The following EGFL7 variants were observed in gnomAD, a reference collection of about 807,000 sequenced individuals.
EGFL7 encodes the protein EGF like domain multiple 7, also known as epidermal growth factor-like protein 7.
In EGFL7, 48 loss-of-function variants were observed where a neutral mutation model predicts 37.1. That is an observed-to-expected ratio of 1.29 (90% CI 1.03 to 1.65). The LOEUF is 1.65. Ranked by LOEUF, EGFL7 falls within the 40% of genes most tolerant of loss-of-function variation. EGFL7 has a pLI of 0.00. For missense variants in EGFL7, 384 were observed against 378.9 expected (o/e 1.01, Z -0.11); for synonymous variants, 180 against 156.8 (o/e 1.15, Z -1.10).
At position 136,669,625 on chromosome 9, in the gene EGFL7, T is replaced by G. The variant is rs1446668326; in HGVS notation, c.217T>G (p.Tyr73Asp). The change falls in exon 6 of 11, where the codon TAC becomes GAC. Residue 73 changes from tyrosine to aspartate, a missense_variant. Coordinates refer to ENST00000308874, the MANE Select transcript of EGFL7 (RefSeq NM_016215.5). ...CCACAGAACCATCTATAGGACCGCCTACCGCCGCAGCCCTGGGCTGGCCCC... is the reference window on the plus strand; with the variant it reads ...CCACAGAACCATCTATAGGACCGCCGACCGCCGCAGCCCTGGGCTGGCCCC... ...STYRTIYRTA[Y>D]RRSPGLAPAR... 1 of 1,610,830 alleles carries G rather than the reference T, an allele frequency of 6.2e-7. No homozygotes were observed. Among genetic ancestry groups the G allele is most frequent in the South Asian group, 1.1e-5 (1 of 90,770 alleles).
At position 136,669,961 on chromosome 9, in the gene EGFL7, GGCCGCT is replaced by G. The variant is rs771494756; in HGVS notation, c.371_376del (p.Arg124_Cys125del). 48 of 1,605,120 alleles carry G rather than the reference GGCCGCT, an allele frequency of 3.0e-5. No homozygotes were observed. The highest frequency in any genetic ancestry group is 3.5e-5 in the Non-Finnish European group (41 of 1,175,780). On this transcript the variant is annotated inframe_deletion, in exon 7 of 11. Transcript: ENST00000308874. ...GAACGGAGGGAGCTGTGTCCAGCCT[GGCCGCT>G]GCCGCTGCCCTGCAGGATGGCGGGG...
Position 136,670,257 on chromosome 9 carries a change from G to A in EGFL7, c.498G>A (p.Gly166=). 1 of 1,612,376 alleles carries A rather than the reference G, an allele frequency of 6.2e-7. No homozygotes were observed. Among genetic ancestry groups the A allele is most frequent in the Non-Finnish European group, 8.5e-7 (1 of 1,179,708 alleles). Residue 166 remains glycine (G), a synonymous_variant, in exon 8 of 11, where the codon GGG becomes GGA. Transcript: ENST00000308874. The part of the protein sequence containing the change: ...AGSYWCQCWE[G]HSLSADGTLC... Reference sequence around the variant, plus strand: ...GTTACTGGTGCCAGTGTTGGGAGGGGCACAGCCTGTCTGCAGACGGTACAC... The same window carrying A: ...GTTACTGGTGCCAGTGTTGGGAGGGACACAGCCTGTCTGCAGACGGTACAC...
intron 5 of EGFL7, 138 bp from the exon 6 acceptor site, chr9:136,669,468 C>T (rs990553036): frequency 7.8e-6 from 5 of 643,414 alleles, no homozygotes; most frequent in African/African-American, 1.8e-5. Context: ...AGTGACCCCT[C>T]AGTGCCATCC....
At position 136,668,106 on chromosome 9, in the gene EGFL7, G is replaced by A. The variant is rs148341502; in HGVS notation, c.-42-135G>A. On this transcript the variant is annotated intron_variant, in intron 3 of 10. Coordinates refer to ENST00000308874, the MANE Select transcript of EGFL7 (RefSeq NM_016215.5). ...GGGGCCAGCGGAGGAGAGAGTGGGC[G>A]CCACCGTGGGGCTGTCCCACCGGTG... 4.7e-3 allele frequency: 2,746 copies of A among 578,138 alleles called. 56 individuals are homozygous for A. The highest frequency in any genetic ancestry group is 0.043 in the African/African-American group (2,267 of 52,232). 35.8% of individuals were successfully genotyped at this position (578,138 alleles called of 1,614,324 possible).
At position 136,669,722 on chromosome 9, in the gene EGFL7, G is replaced by A. The variant is rs767145762; in HGVS notation, c.313+1G>A. The A allele has an allele frequency of 2.5e-6, 4 of 1,586,566 alleles. No homozygotes were observed. Among genetic ancestry groups the A allele is most frequent in the African/African-American group, 2.7e-5 (2 of 74,504 alleles). Reference sequence around the variant, plus strand: ...GGGCTTCCTGGGGCCTGTGGAGCAGGTGAGGGCTATGTCCCTCGGCGCCCG... The same window carrying A: ...GGGCTTCCTGGGGCCTGTGGAGCAGATGAGGGCTATGTCCCTCGGCGCCCG... On this transcript the variant is annotated splice_donor_variant, in intron 6 of 10. Coordinates refer to ENST00000308874, the MANE Select transcript of EGFL7 (RefSeq NM_016215.5). LOFTEE classifies it high-confidence loss of function.
chr9:136,666,942 C>T lies in EGFL7; in HGVS notation c.-42-1299C>T, dbSNP rs1472342109. 6.6e-6 allele frequency among the ~76,000 whole-genome samples: 1 copy of T among 152,144 alleles called. No homozygotes were observed. The highest frequency in any genetic ancestry group is 1.5e-5 in the Non-Finnish European group (1 of 68,010). ...CTGCCCCCAAGCTAAGTCCCCACCC[C>T]TCAGCTGCCCAGGGCAGCCTCTGCC... On this transcript the variant is annotated intron_variant, in intron 3 of 10. Transcript: ENST00000308874. This position sits in a 1 kb window ranked among gnomAD's most constrained non-coding sequence, Gnocchi z 6.8.
chr9:136,664,484 C>G (rs1274271106), intron 2 of EGFL7, among the ~76,000 whole-genome samples: 1 of 151,684 alleles, frequency 6.6e-6, no homozygotes, highest in African/African-American at 2.4e-5. Context: ...CCCCATTTTA[C>G]TGAGGCCAGG....
Position 136,669,734 on chromosome 9 carries a change from T to A in EGFL7, c.313+13T>A. On this transcript the variant is annotated intron_variant, in intron 6 of 10. Transcript: ENST00000308874. ...GCCTGTGGAGCAGGTGAGGGCTATG[T>A]CCCTCGGCGCCCGGTGTTAGGAGGG... The A allele has an allele frequency of 6.4e-7, 1 of 1,560,648 alleles. No homozygotes were observed. Among genetic ancestry groups the A allele is most frequent in the Non-Finnish European group, 8.7e-7 (1 of 1,149,108 alleles).
At chr9:136,671,774 C>A in intron 9 of EGFL7, 152 bp from the exon 10 acceptor site, 1 of 1,082,064 alleles carries the variant, frequency 9.2e-7, no homozygotes, top group Non-Finnish European at 1.3e-6. Context: ...AGCTTTTCTG[C>A]CACGGCAGCC....
In EGFL7 at chr9:136,666,928, C is replaced by G. The variant is rs1399869564; in HGVS notation, c.-42-1313C>G. ...CTGTGATGCCCCCCCTGCCCCCAAG[C>G]TAAGTCCCCACCCCTCAGCTGCCCA... is the stretch of plus-strand genomic sequence containing the variant. On this transcript the variant is annotated intron_variant, in intron 3 of 10. Transcript: ENST00000308874. This position sits in a 1 kb window ranked among gnomAD's most constrained non-coding sequence, Gnocchi z 6.8. 1.3e-5 allele frequency among the ~76,000 whole-genome samples: 2 copies of G among 152,034 alleles called. No homozygotes were observed. The highest frequency in any genetic ancestry group is 3.9e-4 in the East Asian group (2 of 5,152).
intron 3 of EGFL7, among the ~76,000 whole-genome samples, chr9:136,665,604 G>A (rs991365527): frequency 6.6e-6 from 1 of 152,006 alleles, no homozygotes; most frequent in South Asian, 2.1e-4. Context: ...GCTCAGAGGC[G>A]CGTTTGCGTC....
Position 136,672,373 on chromosome 9 carries a change from C to G in EGFL7, c.*87C>G. ...CCCAACATGCTGGGGGTCCAGAAAC[C>G]ACCTCGGGGTGACTGAGCGGAAGGC... On this transcript the variant is annotated 3_prime_UTR_variant, in exon 11 of 11. Transcript: ENST00000308874. 6.5e-7 allele frequency: 1 copy of G among 1,549,482 alleles called. No individual in the cohort carries two copies.
chr9:136,664,905 C>T (rs972108828), intron 3 of EGFL7, 120 bp downstream of exon 3: 2 of 152,316 alleles, frequency 1.3e-5, no homozygotes, highest in African/African-American at 4.8e-5. Context: ...TGGGCTGGCC[C>T]GAGCCCCACG....
chr9:136,665,287 T>C (rs1845387737), intron 3 of EGFL7, among the ~76,000 whole-genome samples: 1 of 152,184 alleles, frequency 6.6e-6, no homozygotes, highest in African/African-American at 2.4e-5. Flanking sequence ...TCTCTGGGCC[T>C]GCGGTGGGGA....
Position 136,670,152 on chromosome 9 carries a change from C to T in EGFL7, c.410-17C>T, listed in dbSNP as rs1845751891. The T allele has an allele frequency of 1.9e-6, 3 of 1,612,642 alleles. No individual in the cohort carries two copies. Among genetic ancestry groups the T allele is most frequent in the Non-Finnish European group, 8.5e-7 (1 of 1,179,894 alleles). ...CCCTCCCGCAGGCATGGCCGCCTGA[C>T]ACCCCGTTTCCTGCAGATGTGGATG... On this transcript the variant is annotated splice_polypyrimidine_tract_variant and intron_variant, in intron 7 of 10. Transcript: ENST00000308874.
rs114180145 is a variant in EGFL7 at position 136,671,414 on chromosome 9, G to A, written c.636+400G>A. Among the ~76,000 whole-genome samples, 612 of 152,174 alleles carry A rather than the reference G, an allele frequency of 4.0e-3. 3 individuals carry two copies. Among genetic ancestry groups the A allele is most frequent in the African/African-American group, 0.014 (583 of 41,494 alleles). ...CTCCTGGGACATGGTCCCGACCCAC[G>A]GATGGCTGGGGGTGGTCTGAAAAGG... On this transcript the variant is annotated intron_variant, in intron 9 of 10. Transcript: ENST00000308874.
In EGFL7 at chr9:136,669,364, C is replaced by T. The variant is rs568401226; in HGVS notation, c.198-242C>T. ...GTGGGGGCACACACAGGCCTGGCCA[C>T]TGCCTCTGCTCCATGCGGAGTGTGG... On this transcript the variant is annotated intron_variant, in intron 5 of 10. Coordinates refer to ENST00000308874, the MANE Select transcript of EGFL7 (RefSeq NM_016215.5). 3.4e-3 allele frequency among the ~76,000 whole-genome samples: 519 copies of T among 152,376 alleles called. 3 individuals are homozygous for T. Among genetic ancestry groups the T allele is most frequent in the South Asian group, 0.018 (87 of 4,834 alleles).
intron 3 of EGFL7, among the ~76,000 whole-genome samples, chr9:136,667,531 G>A (rs1020455580): frequency 1.3e-5 from 2 of 152,160 alleles, no homozygotes; most frequent in African/African-American, 2.4e-5. Context: ...GTTGGATTCC[G>A]GTTCCGGTGA....
intron 5 of EGFL7, among the ~76,000 whole-genome samples, chr9:136,668,996 G>C (rs1488739938): frequency 6.6e-6 from 1 of 152,068 alleles, no homozygotes; most frequent in Non-Finnish European, 1.5e-5. Flanking sequence ...CCCTACCCTG[G>C]CATCCCTGGC....
Sources: gnomAD v4.1 joint callset for allele counts (sites outside exome capture counted in the v4.1 genomes callset) on GRCh38, gnomAD v4.1.1 for gene constraint, Gnocchi (gnomAD v3.1) non-coding constraint, MANE v1.5 for transcripts, NCBI Gene and HGNC (gene_info 2026-07-23, HGNC 2026-07-21) for gene names.